The following KMT2D variants were observed in gnomAD, a reference collection of about 807,000 sequenced individuals.
KMT2D encodes the protein histone-lysine N-methyltransferase 2D.
A neutral mutation model predicts 512.7 loss-of-function variants in KMT2D; 55 were observed. The observed-to-expected ratio is 0.11, with a 90% confidence interval of 0.09 to 0.13. The LOEUF is 0.13. Among genes scored for constraint, KMT2D ranks in the 10% least tolerant of loss-of-function variants. The probability of loss-of-function intolerance (pLI) is 1.00; values close to 1 mark genes in which losing one functional copy is unlikely to be tolerated. For synonymous variants in KMT2D, 2,995 were observed against 2,904.0 expected (o/e 1.03, Z -1.01); for missense variants, 6,061 against 7,127.9 (o/e 0.85, Z 5.39).
chr12:49,039,054 G>A lies in KMT2D; in HGVS notation c.8367-65C>T, dbSNP rs192813375. The A allele has an allele frequency of 3.6e-4, 550 of 1,523,326 alleles. 8 individuals are homozygous for A. The South Asian group carries it at 4.7e-3, about 13-fold the overall frequency. The allele number at this position is 1,523,326 out of a possible 1,614,324, so 94.4% of individuals were successfully genotyped here. A position where few individuals can be genotyped will look rare whatever the true frequency, so the allele number is the denominator to read the frequency against. On this transcript the variant is annotated intron_variant, in intron 34 of 54. Coordinates refer to ENST00000301067, the MANE Select transcript of KMT2D (RefSeq NM_003482.4). The surrounding 1 kb of genome is among the most constrained non-coding windows in gnomAD (Gnocchi z 5.0). ...GAAAAGGAGCAAGAACATGGGCTTA[G>A]GGCAGTGAGGAAGGATAGAATTAAT...
In KMT2D at chr12:49,050,759, G is replaced by A. The variant is rs745461101; in HGVS notation, c.2829C>T (p.Ile943=). 6.2e-7 allele frequency: 1 copy of A among 1,611,206 alleles called. No homozygotes were observed. Among genetic ancestry groups the A allele is most frequent in the Non-Finnish European group, 8.5e-7 (1 of 1,177,992 alleles). ...ACAGGGCCGGTGGGGCCGCAGCTGTGATGATGGGTGAGAGTGGAGGAGGAA... is the reference window on the plus strand; with the variant it reads ...ACAGGGCCGGTGGGGCCGCAGCTGTAATGATGGGTGAGAGTGGAGGAGGAA... The part of the protein sequence containing the change: ...DPLPPPLSPI[I]TAAAPPALSP... The change falls in exon 12 of 55, where the codon ATC becomes ATT. Residue 943 remains isoleucine, a synonymous_variant. Coordinates refer to ENST00000301067, the MANE Select transcript of KMT2D (RefSeq NM_003482.4).
chr12:49,033,505 G>A lies in KMT2D; in HGVS notation c.11200C>T (p.Leu3734=), dbSNP rs761323146. Residue 3734 remains leucine, a synonymous_variant, in exon 40 of 55, where the codon CTG becomes TTG. Transcript: ENST00000301067. ...QQQRMQLAQK[L]QQQQQQQQQQ... is the part of the protein sequence containing the mutation. Reference sequence around the variant, plus strand: ...TGTTGCTGCTGCTGCTGCTGCTGCAGTTTCTGGGCCAGCTGCATACGTTGC... The same window carrying A: ...TGTTGCTGCTGCTGCTGCTGCTGCAATTTCTGGGCCAGCTGCATACGTTGC... 5.6e-6 allele frequency: 9 copies of A among 1,613,402 alleles called. No individual in the cohort carries two copies. Among genetic ancestry groups the A allele is most frequent in the African/African-American group, 4.0e-5 (3 of 74,878 alleles).
At position 49,043,086 on chromosome 12, in the gene KMT2D, A is replaced by G; in HGVS notation, c.5634T>C (p.Ile1878=). The G allele has an allele frequency of 1.2e-6, 2 of 1,613,592 alleles. No individual in the cohort carries two copies. The highest frequency in any genetic ancestry group is 1.7e-6 in the Non-Finnish European group (2 of 1,179,520). ...EGMLSSDLDR[I]STEELPKMES... is the part of the protein sequence containing the mutation. ...GGGTCACAGCCTCACCTTCTGTGGA[A>G]ATCCTGTCTAAGTCAGAGCTAAGCA... is the stretch of plus-strand genomic sequence containing the variant. The change falls in exon 26 of 55, where the codon ATT becomes ATC. Residue 1878 remains isoleucine (I), a synonymous_variant. Coordinates refer to ENST00000301067, the MANE Select transcript of KMT2D (RefSeq NM_003482.4).
At position 49,049,131 on chromosome 12, in the gene KMT2D, T is replaced by G. The variant is rs766033802; in HGVS notation, c.3994A>C (p.Thr1332Pro). The change falls in exon 13 of 55, where the codon ACT becomes CCT. Residue 1332 changes from threonine to proline, a missense_variant. Thr to Pro is a conservative substitution (Grantham distance 38). Coordinates refer to ENST00000301067, the MANE Select transcript of KMT2D (RefSeq NM_003482.4). ...RGRGRARLKS[T>P]ASSIETLVVA... ...ACCAGAGTCTCAATGGAAGAAGCAG[T>G]TGACTTTAGCCGGGCCCGTCCTCTA... is the stretch of plus-strand genomic sequence containing the variant. The G allele has an allele frequency of 1.2e-6, 2 of 1,611,136 alleles. No homozygotes were observed. The highest frequency in any genetic ancestry group is 1.1e-5 in the South Asian group (1 of 90,514).
chr12:49,043,511 G>A, intron 24 of KMT2D, 83 bp from the exon 25 acceptor site: 3 of 1,590,010 alleles, frequency 1.9e-6, no homozygotes, highest in South Asian at 2.2e-5. Context: ...AGCCCTACAG[G>A]CCAGGACCCT....
Position 49,032,580 on chromosome 12 carries a change from G to A in KMT2D, c.12125C>T (p.Ser4042Phe), listed in dbSNP as rs2120432624. The change falls in exon 40 of 55, where the codon TCT (serine) becomes TTT (phenylalanine). Residue 4042 changes from serine (S) to phenylalanine (F), a missense_variant. Around this residue, in one of 16 missense-constraint regions of KMT2D, gnomAD observed 1,600 missense variants for 1,754.9 expected, o/e 0.91. Coordinates refer to ENST00000301067, the MANE Select transcript of KMT2D (RefSeq NM_003482.4). The stretch of plus-strand genomic sequence containing the variant: ...TGCTAACGGCCCTCCCTGATGTGTA[G>A]AGGGCCCCTCAGTGGCCTCTGAAGA... Reference protein sequence around the residue: ...AVSSEATEGPSTHQGGPLAIG... With the variant: ...AVSSEATEGPFTHQGGPLAIG... 6.2e-7 allele frequency: 1 copy of A among 1,613,812 alleles called. No individual in the cohort carries two copies. Among genetic ancestry groups the A allele is most frequent in the South Asian group, 1.1e-5 (1 of 91,028 alleles).
intron 45 of KMT2D, 24 bp from the exon 46 acceptor site, chr12:49,028,982 G>T (rs1257096365): frequency 4.3e-6 from 7 of 1,612,454 alleles, no homozygotes; most frequent in Admixed American, 3.3e-5. Flanking sequence ...AGGAATTTGT[G>T]TAACACTTGG....
In KMT2D at chr12:49,037,980, C is replaced by G. The variant is rs2120488696; in HGVS notation, c.9376G>C (p.Gly3126Arg). The change falls in exon 35 of 55, where the codon GGA becomes CGA. Residue 3126 changes from glycine to arginine, a missense_variant. Transcript: ENST00000301067. ...PEVKPKVEEG[G>R]RHPSPCQFTI... is the part of the protein sequence containing the mutation. ...AATTGGCAAGGAGAAGGGTGGCGTC[C>G]ACCCTCCTCCACCTTGGGCTTCACC... The G allele has an allele frequency of 6.2e-7, 1 of 1,601,050 alleles. No individual in the cohort carries two copies. The highest frequency in any genetic ancestry group is 8.5e-7 in the Non-Finnish European group (1 of 1,174,194).
intron 14 of KMT2D, 127 bp downstream of exon 14, chr12:49,048,532 A>T (rs942039095): frequency 1.5e-6 from 1 of 662,244 alleles, no homozygotes; most frequent in Non-Finnish European, 2.7e-6. Context: ...GAATAACATG[A>T]TTAGAATTCA....
chr12:49,031,742 T>C lies in KMT2D; in HGVS notation c.12963A>G (p.Ser4321=), dbSNP rs765683314. 11 of 1,612,948 alleles carry C rather than the reference T, an allele frequency of 6.8e-6. No homozygotes were observed. Among genetic ancestry groups the C allele is most frequent in the Non-Finnish European group, 8.5e-6 (10 of 1,179,548 alleles). The stretch of plus-strand genomic sequence containing the variant: ...GCTGGGAGCTGGGGGAAGGTAATTG[T>C]GAAGGTCTCTTTGGCTCTTGAGGGC... ...PSSPQEPKRP[S]QLPSPSSQLP... The change falls in exon 40 of 55, where the codon TCA becomes TCG. Residue 4321 remains serine (S), a synonymous_variant. Coordinates refer to ENST00000301067, the MANE Select transcript of KMT2D (RefSeq NM_003482.4).
Position 49,030,842 on chromosome 12 carries a change from G to A in KMT2D, c.13671+51C>T, listed in dbSNP as rs1393534561. On this transcript the variant is annotated intron_variant, in intron 41 of 54. Transcript: ENST00000301067. ...CTGTCTTGCACAGCTGGGGGACAGG[G>A]TGCCCCCTATCCTGGGATGGGACCA... is the stretch of plus-strand genomic sequence containing the variant. 3.1e-6 allele frequency: 5 copies of A among 1,612,330 alleles called. No individual in the cohort carries two copies. In the African/African-American group the frequency reaches 5.3e-5, roughly 17 times the overall value.
Position 49,019,017 on chromosome 12 carries a change from A to G in KMT2D, c.*2763T>C. The G allele has an allele frequency of 7.2e-7, 1 of 1,388,986 alleles. No individual in the cohort carries two copies. 86.0% of individuals were successfully genotyped at this position (1,388,986 alleles called of 1,614,324 possible). A position where few individuals can be genotyped will look rare whatever the true frequency, so the allele number is the denominator to read the frequency against. On this transcript the variant is annotated 3_prime_UTR_variant, in exon 55 of 55. Transcript: ENST00000301067. ...TTTTTTTATTTGTCGTTTAAAAACA[A>G]ACTTGGAAGAAGCAAAATCCAAAAC...
chr12:49,038,986 T>G lies in KMT2D; in HGVS notation c.8370A>C (p.Gln2790His), dbSNP rs2120507414. The change falls in exon 35 of 55, where the codon CAA becomes CAC. Residue 2790 changes from glutamine to histidine, a missense_variant. By Grantham distance (24) the Gln-to-His change is conservative (BLOSUM62 0). This residue lies in a region of KMT2D where 527 missense variants were observed against 578.9 expected (regional missense o/e 0.91). Transcript: ENST00000301067. The surrounding 1 kb of genome is among the most constrained non-coding windows in gnomAD (Gnocchi z 5.7). ...TPSSMDVNSR[Q>H]LVGGSQAFYQ... Reference sequence around the variant, plus strand: ...AGAAAGCTTGGGAGCCTCCTACCAGTTGCCTGGAAGAATATACAGTAGTCA... The same window carrying G: ...AGAAAGCTTGGGAGCCTCCTACCAGGTGCCTGGAAGAATATACAGTAGTCA... 1 of 1,551,734 alleles carries G rather than the reference T, an allele frequency of 6.4e-7. No individual in the cohort carries two copies. The highest frequency in any genetic ancestry group is 1.4e-5 in the African/African-American group (1 of 73,010).
chr12:49,048,195 A>G (rs559354476), intron 14 of KMT2D, 126 bp from the exon 15 acceptor site: 1 of 626,208 alleles, frequency 1.6e-6, no homozygotes, highest in African/African-American at 1.8e-5. Context: ...CAGCGTTAGG[A>G]TGCTGTAAGC....
intron 26 of KMT2D, 43 bp downstream of exon 26, chr12:49,043,033 T>C (rs771603300): frequency 2.2e-5 from 34 of 1,580,730 alleles, no homozygotes; most frequent in Middle Eastern, 1.7e-4. Context: ...CCTTCTCCCA[T>C]AGAAAACCCT....
In KMT2D at chr12:49,021,657, C is replaced by A; in HGVS notation, c.*123G>T. 1.2e-6 allele frequency: 1 copy of A among 808,140 alleles called. No homozygotes were observed. The highest frequency in any genetic ancestry group is 2.0e-6 in the Non-Finnish European group (1 of 506,874). The allele number at this position is 808,140 out of a possible 1,614,324, so 50.1% of individuals were successfully genotyped here. On this transcript the variant is annotated 3_prime_UTR_variant, in exon 55 of 55. Transcript: ENST00000301067. The stretch of plus-strand genomic sequence containing the variant: ...CCCCAGCCTCCTGCTCCAGGGGCTC[C>A]GGGTCAGCCGGCAGCCCCAACCCTG...
rs777295270 is a variant in KMT2D, at chr12:49,026,935, C to G, written c.15031G>C (p.Glu5011Gln). The G allele has an allele frequency of 6.2e-7, 1 of 1,614,028 alleles. No homozygotes were observed. Among genetic ancestry groups the G allele is most frequent in the Non-Finnish European group, 8.5e-7 (1 of 1,179,916 alleles). ...GRQEDEREVA[E>Q]FMEQLGTALR... ...GCTGTGCCAAGCTGCTCCATAAACT[C>G]TGCCACTTCCCGCTCATCCTCCTGC... The change falls in exon 49 of 55, where the codon GAG (glutamate) becomes CAG (glutamine). Residue 5011 changes from glutamate (E) to glutamine (Q), a missense_variant. This residue lies in a region of KMT2D where 1,600 missense variants were observed against 1,754.9 expected (regional missense o/e 0.91). Coordinates refer to ENST00000301067, the MANE Select transcript of KMT2D (RefSeq NM_003482.4). This position sits in a 1 kb window ranked among gnomAD's most constrained non-coding sequence, Gnocchi z 9.6.
chr12:49,040,833 C>A lies in KMT2D; in HGVS notation c.6937G>T (p.Gly2313Cys), dbSNP rs2120536062. The A allele has an allele frequency of 6.2e-7, 1 of 1,613,764 alleles. No individual in the cohort carries two copies. Among genetic ancestry groups the A allele is most frequent in the Non-Finnish European group, 8.5e-7 (1 of 1,179,760 alleles). ...NLGFVDSPSSGTHLGGLELKT... is the reference protein window; with the variant it reads ...NLGFVDSPSSCTHLGGLELKT... Reference sequence around the variant, plus strand: ...AACTCCAGGCCACCCAGGTGGGTGCCTGAGGAGGGTGAGTCAACAAAGCCC... The same window carrying A: ...AACTCCAGGCCACCCAGGTGGGTGCATGAGGAGGGTGAGTCAACAAAGCCC... Residue 2313 changes from glycine (G) to cysteine (C), a missense_variant, in exon 32 of 55, where the codon GGC becomes TGC. Transcript: ENST00000301067.
At chr12:49,035,932 G>T (rs962498771) in intron 35 of KMT2D, 14 of 152,244 alleles carry the variant, frequency 9.2e-5, no homozygotes, top group African/African-American at 3.1e-4. Flanking sequence ...CAGTTAAGAG[G>T]AGTACCGACC....
Sources: gnomAD v4.1 joint callset for allele counts on GRCh38, gnomAD v4.1.1 for gene constraint, gnomAD v4.1.1 regional missense constraint, Gnocchi (gnomAD v3.1) non-coding constraint, MANE v1.5 for transcripts, NCBI Gene and HGNC (gene_info 2026-07-23, HGNC 2026-07-21) for gene names.